The following PITPNM2 variants were observed in gnomAD, a reference collection of about 807,000 sequenced individuals.
PITPNM2 encodes the protein phosphatidylinositol transfer protein membrane associated 2.
Under a neutral mutation model 132.2 loss-of-function variants are expected in PITPNM2, and 35 were observed. The ratio of observed to expected loss-of-function variants is 0.26; its 90% confidence interval spans 0.20 to 0.35. The LOEUF (loss-of-function observed/expected upper bound fraction) is 0.35. PITPNM2 is among the 10% of genes least tolerant of loss of function. The pLI, the probability that PITPNM2 is intolerant of heterozygous loss-of-function variation, is 1.00. For missense variants in PITPNM2, 1,332 were observed against 1,912.0 expected (o/e 0.70, Z 5.66); for synonymous variants, 738 against 799.2 (o/e 0.92, Z 1.29).
rs528037944 is a variant in PITPNM2, at chr12:123,097,082, G to C, written c.-96+13303C>G. Among the ~76,000 whole-genome samples, 1 of 151,528 alleles carries C rather than the reference G, an allele frequency of 6.6e-6. No homozygotes were observed. The highest frequency in any genetic ancestry group is 2.4e-5 in the African/African-American group (1 of 41,176). On this transcript the variant is annotated intron_variant, in intron 2 of 25. Coordinates refer to ENST00000320201, the MANE Select transcript of PITPNM2 (RefSeq NM_020845.3). The surrounding 1 kb of genome is among the most constrained non-coding windows in gnomAD (Gnocchi z 4.7). ...TTTGGTATGGAGTCTCGCTCTTGTCGCCCAGGTTTGAGTGCAGTGGCACGA... is the reference window on the plus strand; with the variant it reads ...TTTGGTATGGAGTCTCGCTCTTGTCCCCCAGGTTTGAGTGCAGTGGCACGA...
chr12:123,068,279 A>C (rs2041500363), intron 2 of PITPNM2, among the ~76,000 whole-genome samples: 1 of 152,088 alleles, frequency 6.6e-6, no homozygotes, highest in Non-Finnish European at 1.5e-5. Flanking sequence ...CATCCTGGCT[A>C]ACACGGTGAA....
At chr12:123,041,341 G>C (rs2136534939) in intron 2 of PITPNM2, among the ~76,000 whole-genome samples, 1 of 152,268 alleles carries the variant, frequency 6.6e-6, no homozygotes, top group East Asian at 1.9e-4. Context: ...CTTCCTGGTA[G>C]GGCTGCCTAC....
rs1050865836 is a variant in PITPNM2, at chr12:122,988,234, C to T, written c.2997G>A (p.Arg999=). ...GCCTGGGCGCCCGGGGGACCCTCAC[C>T]CGCAGCTTCACGTGGGTCCGCTTGC... is the stretch of plus-strand genomic sequence containing the variant. The part of the protein sequence containing the change: ...WQRKRTHVKL[R]NVTANHRIND... The change falls in exon 20 of 26, where the codon CGG becomes CGA. Residue 999 remains arginine, a splice_region_variant and synonymous_variant. Coordinates refer to ENST00000320201, the MANE Select transcript of PITPNM2 (RefSeq NM_020845.3). The T allele has an allele frequency of 6.2e-7, 1 of 1,612,392 alleles. No individual in the cohort carries two copies. Among genetic ancestry groups the T allele is most frequent in the African/African-American group, 1.3e-5 (1 of 75,026 alleles).
rs752164 is a variant in PITPNM2 at position 123,023,267 on chromosome 12, A to G, written c.79-9225T>C. 0.043 allele frequency among the ~76,000 whole-genome samples: 6,516 copies of G among 152,234 alleles called. 462 individuals are homozygous for G. The highest frequency in any genetic ancestry group is 0.15 in the African/African-American group (6,090 of 41,520). On this transcript the variant is annotated intron_variant, in intron 3 of 25. Transcript: ENST00000320201. The surrounding 1 kb of genome is among the most constrained non-coding windows in gnomAD (Gnocchi z 4.8). Reference sequence around the variant, plus strand: ...GGGGCTCACTGAAGCTGCCACTCAGAATGTCAGTGCGCAGGCGTGCATGCG... The same window carrying G: ...GGGGCTCACTGAAGCTGCCACTCAGGATGTCAGTGCGCAGGCGTGCATGCG...
chr12:123,029,915 A>G (rs1259105149), intron 3 of PITPNM2, among the ~76,000 whole-genome samples: 1 of 151,568 alleles, frequency 6.6e-6, no homozygotes, highest in Non-Finnish European at 1.5e-5. Flanking sequence ...AGAGGATATG[A>G]GCCAGAAACT....
At chr12:123,088,040 G>C (rs2042162519) in intron 2 of PITPNM2, 1 of 152,192 alleles carries the variant, frequency 6.6e-6, no homozygotes, top group South Asian at 2.1e-4. Flanking sequence ...CAAGAACTCT[G>C]TTCACACTTC....
At position 122,986,207 on chromosome 12, in the gene PITPNM2, C is replaced by T; in HGVS notation, c.3870G>A (p.Arg1290=). The part of the protein sequence containing the change: ...LPGQGDFLRS[R]NHLLRTISAQ... ...CCGAGATGGTGCGAAGCAGGTGGTT[C>T]CGGGAGCGCAGAAAGTCGCCCTGGC... The change falls in exon 26 of 26, where the codon CGG becomes CGA. Residue 1290 remains arginine (R), a synonymous_variant. Coordinates refer to ENST00000320201, the MANE Select transcript of PITPNM2 (RefSeq NM_020845.3). 6.4e-7 allele frequency: 1 copy of T among 1,559,904 alleles called. No individual in the cohort carries two copies. The highest frequency in any genetic ancestry group is 1.7e-4 in the Middle Eastern group (1 of 5,964).
chr12:123,000,353 G>T lies in PITPNM2; in HGVS notation c.1224+425C>A. On this transcript the variant is annotated intron_variant, in intron 10 of 25. Coordinates refer to ENST00000320201, the MANE Select transcript of PITPNM2 (RefSeq NM_020845.3). This position sits in a 1 kb window ranked among gnomAD's most constrained non-coding sequence, Gnocchi z 5.4. ...ACACTGAGCTCCGCCTGCCTCCCGCGGGGCCATCTTGTCGGCCACGGCCAC... is the reference window on the plus strand; with the variant it reads ...ACACTGAGCTCCGCCTGCCTCCCGCTGGGCCATCTTGTCGGCCACGGCCAC... The T allele has an allele frequency of 1.4e-6, 1 of 698,220 alleles. No individual in the cohort carries two copies. Among genetic ancestry groups the T allele is most frequent in the Non-Finnish European group, 2.6e-6 (1 of 383,170 alleles). The allele number at this position is 698,220 out of a possible 1,614,324, so 43.3% of individuals were successfully genotyped here.
At chr12:123,090,334 G>A (rs2042224073) in intron 2 of PITPNM2, 1 of 152,228 alleles carries the variant, frequency 6.6e-6, no homozygotes, top group Non-Finnish European at 1.5e-5. Context: ...GTTTCCCAGA[G>A]AAAGTGATCC....
At position 123,007,444 on chromosome 12, in the gene PITPNM2, T is replaced by C. The variant is rs1211254812; in HGVS notation, c.644-1896A>G. Reference sequence around the variant, plus strand: ...GGGGACAAACCTGGGAGAAGCAATCTCAGGGCATGTACCCCCGCCTCCCCT... The same window carrying C: ...GGGGACAAACCTGGGAGAAGCAATCCCAGGGCATGTACCCCCGCCTCCCCT... On this transcript the variant is annotated intron_variant, in intron 6 of 25. Coordinates refer to ENST00000320201, the MANE Select transcript of PITPNM2 (RefSeq NM_020845.3). The C allele has an allele frequency of 6.6e-6, 3 of 455,958 alleles. No individual in the cohort carries two copies. In the Admixed American group the frequency reaches 7.1e-5, roughly 11 times the overall value. 28.2% of individuals were successfully genotyped at this position (455,958 alleles called of 1,614,324 possible).
intron 4 of PITPNM2, among the ~76,000 whole-genome samples, chr12:123,013,009 G>T (rs1489553452): frequency 1.3e-5 from 2 of 152,244 alleles, no homozygotes; most frequent in African/African-American, 2.4e-5. Flanking sequence ...CCACAGCATG[G>T]CAGGAACACG....
At chr12:123,056,301 G>T (rs553901485) in intron 2 of PITPNM2, among the ~76,000 whole-genome samples, 42 of 152,234 alleles carry the variant, frequency 2.8e-4, no homozygotes, top group Non-Finnish European at 4.6e-4. Flanking sequence ...GCGCTCTGGA[G>T]AACTTAGCCG....
chr12:123,070,368 C>T (rs2041587055), intron 2 of PITPNM2, among the ~76,000 whole-genome samples: 1 of 152,128 alleles, frequency 6.6e-6, no homozygotes, highest in Admixed American at 6.5e-5. Flanking sequence ...TTGAGCTGGA[C>T]CGTATCCAAG....
chr12:123,019,632 T>G (rs1397242000), intron 3 of PITPNM2, among the ~76,000 whole-genome samples: 1 of 152,172 alleles, frequency 6.6e-6, no homozygotes, highest in Non-Finnish European at 1.5e-5. Flanking sequence ...AGCCAAATAG[T>G]TAAAGCTGAA....
chr12:123,135,372 T>G (rs2043355154), intron 1 of PITPNM2, among the ~76,000 whole-genome samples: 1 of 108,292 alleles, frequency 9.2e-6, no homozygotes, highest in Non-Finnish European at 1.8e-5. Flanking sequence ...GTGATAACCA[T>G]AGTAACATAT....
chr12:123,105,437 C>G (rs2042686019), intron 2 of PITPNM2: 1 of 152,166 alleles, frequency 6.6e-6, no homozygotes, highest in Admixed American at 6.5e-5. Flanking sequence ...TATTCAACCC[C>G]CTGGCTTGAA....
chr12:123,048,560 C>T (rs750228274), intron 2 of PITPNM2, among the ~76,000 whole-genome samples: 31 of 151,970 alleles, frequency 2.0e-4, no homozygotes, highest in Non-Finnish European at 3.1e-4. Context: ...CTACAGGCGC[C>T]CGCCACCGCG....
intron 2 of PITPNM2, among the ~76,000 whole-genome samples, chr12:123,045,496 A>G (rs1192196528): frequency 6.6e-6 from 1 of 152,206 alleles, no homozygotes; most frequent in African/African-American, 2.4e-5. Context: ...TGTTGGCTGC[A>G]GATGCCTCCC....
chr12:123,107,964 T>G (rs2042755346), intron 2 of PITPNM2, among the ~76,000 whole-genome samples: 1 of 152,092 alleles, frequency 6.6e-6, no homozygotes. Context: ...AAGGAGAGGC[T>G]AATGCGGACC....
Sources: gnomAD v4.1 joint callset for allele counts (sites outside exome capture counted in the v4.1 genomes callset) on GRCh38, gnomAD v4.1.1 for gene constraint, Gnocchi (gnomAD v3.1) non-coding constraint, MANE v1.5 for transcripts, NCBI Gene and HGNC (gene_info 2026-07-23, HGNC 2026-07-21) for gene names.